Variants in ARHGAP26 observed in about 807,000 individuals in gnomAD.
The protein encoded by ARHGAP26 is Rho GTPase activating protein 26, also known as rho GTPase-activating protein 26.
ARHGAP26 carries 38 observed loss-of-function variants against 104.8 expected under a neutral mutation model. That is an observed-to-expected ratio of 0.36 (90% CI 0.28 to 0.48). ARHGAP26 has a LOEUF of 0.48. ARHGAP26 is among the 20% of genes least tolerant of loss of function. The pLI, the probability that ARHGAP26 is intolerant of heterozygous loss-of-function variation, is 0.99. For synonymous variants in ARHGAP26, 341 were observed against 340.0 expected (o/e 1.00, Z -0.03); for missense variants, 704 against 947.9 (o/e 0.74, Z 3.38).
chr5:143,172,215 CAT>C (rs1023477419), intron 20 of ARHGAP26, among the ~76,000 whole-genome samples: 2 of 152,008 alleles, frequency 1.3e-5, no homozygotes, highest in Non-Finnish European at 2.9e-5. Context: ...AGTTGGGTGA[CAT>C]GTGCCAGGTA....
intron 1 of ARHGAP26, among the ~76,000 whole-genome samples, chr5:142,868,356 A>C (rs1426946493): frequency 6.6e-6 from 1 of 152,102 alleles, no homozygotes; most frequent in Admixed American, 6.5e-5. Context: ...AGGCCTTGGG[A>C]GGGACTTTCG....
chr5:143,087,843 TTC>T (rs998883474), intron 17 of ARHGAP26, among the ~76,000 whole-genome samples: 23 of 151,386 alleles, frequency 1.5e-4, no homozygotes, highest in African/African-American at 5.1e-4. Flanking sequence ...GAGACGGGGT[TTC>T]TCCATGTTGG....
intron 11 of ARHGAP26, 135 bp from the exon 12 acceptor site, chr5:143,013,945 C>A: frequency 1.3e-6 from 1 of 771,602 alleles, no homozygotes; most frequent in South Asian, 1.6e-5. Flanking sequence ...TGAATGGGTT[C>A]ATGTTTGGGA....
In ARHGAP26 at chr5:142,934,735, G is replaced by T. The variant is rs116320430; in HGVS notation, c.1107+2610G>T. ...CCTGTTTTATACTTCTATCTCAGTTGTTCTTTGATGGATTATTTGGTGTTG... is the reference window on the plus strand; with the variant it reads ...CCTGTTTTATACTTCTATCTCAGTTTTTCTTTGATGGATTATTTGGTGTTG... On this transcript the variant is annotated intron_variant, in intron 11 of 22. Coordinates refer to ENST00000645722, the MANE Select transcript of ARHGAP26 (RefSeq NM_001135608.3). 9.5e-3 allele frequency among the ~76,000 whole-genome samples: 1,405 copies of T among 147,890 alleles called. 21 individuals carry two copies. Among genetic ancestry groups the T allele is most frequent in the African/African-American group, 0.032 (1,300 of 40,572 alleles).
chr5:142,842,276 G>A (rs1348164836), intron 1 of ARHGAP26, among the ~76,000 whole-genome samples: 1 of 152,006 alleles, frequency 6.6e-6, no homozygotes, highest in Admixed American at 6.6e-5. Flanking sequence ...GAATTTTTTT[G>A]TGTTCTGAAG....
chr5:143,027,435 C>T (rs1273964128), intron 12 of ARHGAP26, among the ~76,000 whole-genome samples: 3 of 151,282 alleles, frequency 2.0e-5, no homozygotes, highest in Non-Finnish European at 4.4e-5. Context: ...CCACCTGCCT[C>T]GGCCTCCCAA....
At chr5:142,835,424 G>A (rs954090796) in intron 1 of ARHGAP26, among the ~76,000 whole-genome samples, 2 of 152,192 alleles carry the variant, frequency 1.3e-5, no homozygotes, top group Admixed American at 6.5e-5. Context: ...AAGTGAAATA[G>A]TCAAGGTAAT....
intron 17 of ARHGAP26, among the ~76,000 whole-genome samples, chr5:143,095,447 T>C (rs1792153181): frequency 6.6e-6 from 1 of 152,208 alleles, no homozygotes; most frequent in African/African-American, 2.4e-5. Flanking sequence ...CCTTTGTCTA[T>C]GTGGATTCTA....
rs574501490 is a variant in ARHGAP26, at chr5:143,024,196, C to T, written c.1144+10080C>T. On this transcript the variant is annotated intron_variant, in intron 12 of 22. Coordinates refer to ENST00000645722, the MANE Select transcript of ARHGAP26 (RefSeq NM_001135608.3). The stretch of plus-strand genomic sequence containing the variant: ...GCAGATATTTTATTATTTGAGTTCC[C>T]AGCTATTTTGTTTGATGAGACCCTG... 3.9e-4 allele frequency among the ~76,000 whole-genome samples: 60 copies of T among 152,236 alleles called. 1 individual carries two copies. In the South Asian group the frequency reaches 0.012, roughly 31 times the overall value.
intron 5 of ARHGAP26, among the ~76,000 whole-genome samples, chr5:142,893,898 C>G (rs540477785): frequency 4.1e-5 from 6 of 147,530 alleles, no homozygotes; most frequent in African/African-American, 1.5e-4. Context: ...TGAGAAATGT[C>G]TATTCAGATC....
At chr5:142,804,779 A>G (rs433989) in intron 1 of ARHGAP26, among the ~76,000 whole-genome samples, 6,813 of 151,936 alleles carry the variant, frequency 0.045, 220 homozygotes, top group South Asian at 0.12. Context: ...GGCATGAGCC[A>G]CCATGCCCGG....
chr5:142,961,437 A>G (rs1192342943), intron 11 of ARHGAP26, among the ~76,000 whole-genome samples: 1 of 152,112 alleles, frequency 6.6e-6, no homozygotes, highest in African/African-American at 2.4e-5. Flanking sequence ...GGGTGCATTG[A>G]GTTGTGATGG....
intron 20 of ARHGAP26, among the ~76,000 whole-genome samples, chr5:143,168,125 C>G (rs887043571): frequency 1.3e-5 from 2 of 152,136 alleles, no homozygotes; most frequent in South Asian, 2.1e-4. Context: ...ATTTAGACAG[C>G]AAACAGTGGG....
At chr5:142,910,589 A>C (rs1761704476) in intron 9 of ARHGAP26, among the ~76,000 whole-genome samples, 1 of 152,096 alleles carries the variant, frequency 6.6e-6, no homozygotes, top group Non-Finnish European at 1.5e-5. Context: ...AAATACAAAA[A>C]TTAGCCGGGT....
At chr5:142,973,679 C>A (rs1454300789) in intron 11 of ARHGAP26, among the ~76,000 whole-genome samples, 2 of 152,140 alleles carry the variant, frequency 1.3e-5, no homozygotes, top group Admixed American at 6.5e-5. Context: ...TAAAATAAAT[C>A]CATGGGTGTG....
intron 1 of ARHGAP26, among the ~76,000 whole-genome samples, chr5:142,861,693 A>T (rs2152309942): frequency 6.6e-6 from 1 of 152,246 alleles, no homozygotes; most frequent in Middle Eastern, 3.4e-3. Context: ...TGGTTTATTG[A>T]GTGTTTGCTG....
At chr5:143,220,464 A>G (rs1810996827) in intron 22 of ARHGAP26, among the ~76,000 whole-genome samples, 1 of 152,376 alleles carries the variant, frequency 6.6e-6, no homozygotes, top group East Asian at 1.9e-4. Context: ...AACCCAGTAA[A>G]GGGAAGAGGG....
intron 12 of ARHGAP26, among the ~76,000 whole-genome samples, chr5:143,029,808 A>G (rs970096399): frequency 1.3e-5 from 2 of 152,224 alleles, no homozygotes; most frequent in Non-Finnish European, 2.9e-5. Flanking sequence ...TAATCAAAGG[A>G]GAATTGACTA....
intron 18 of ARHGAP26, among the ~76,000 whole-genome samples, chr5:143,128,059 G>C (rs13153983): frequency 1.3e-5 from 2 of 152,172 alleles, no homozygotes; most frequent in African/African-American, 4.8e-5. Flanking sequence ...TTAGGGTTCA[G>C]AAGCAAGCTA....
Sources: gnomAD v4.1 joint callset for allele counts (sites outside exome capture counted in the v4.1 genomes callset) on GRCh38, gnomAD v4.1.1 for gene constraint, MANE v1.5 for transcripts, NCBI Gene and HGNC (gene_info 2026-07-23, HGNC 2026-07-21) for gene names.